Variants in LTO1 observed in about 807,000 individuals in gnomAD.
LTO1 encodes protein LTO1 homolog.
In LTO1, 18 loss-of-function variants were observed where a neutral mutation model predicts 19.8. The observed-to-expected ratio is 0.91, with a 90% CI of 0.63 to 1.35. LTO1 has a LOEUF of 1.35. LTO1 is among the 40% of genes most tolerant of loss of function. LTO1 has a pLI of 0.00. For synonymous variants in LTO1, 59 were observed against 59.6 expected (o/e 0.99, Z 0.05); for missense variants, 175 against 167.9 (o/e 1.04, Z -0.23).
At position 69,667,176 on chromosome 11, in the gene LTO1, T is replaced by C; in HGVS notation, c.*343A>G. 1 of 266,946 alleles carries C rather than the reference T, an allele frequency of 3.7e-6. No individual in the cohort carries two copies. The highest frequency in any genetic ancestry group is 5.2e-5 in the Admixed American group (1 of 19,324). The allele number at this position is 266,946 out of a possible 1,614,324, so 16.5% of individuals were successfully genotyped here. A position where few individuals can be genotyped will look rare whatever the true frequency, so the allele number is the denominator to read the frequency against. ...AAATAATAATAATAATAAAAATAAC[T>C]GCCTTCAGTCCAGGCCTGGTGACTG... On this transcript the variant is annotated 3_prime_UTR_variant, in exon 5 of 5. Transcript: ENST00000279147.
rs991762137 is a variant in LTO1, at chr11:69,675,024, A to G, written c.50+166T>C. 5 of 704,056 alleles carry G rather than the reference A, an allele frequency of 7.1e-6. No homozygotes were observed. The Admixed American group carries it at 1.1e-4, about 15-fold the overall frequency. The allele number at this position is 704,056 out of a possible 1,614,324, so 43.6% of individuals were successfully genotyped here. On this transcript the variant is annotated intron_variant, in intron 1 of 4. Coordinates refer to ENST00000279147, the MANE Select transcript of LTO1 (RefSeq NM_153451.3). The stretch of plus-strand genomic sequence containing the variant: ...GAGCGGGCCAGGAGAAGAGGACCAG[A>G]GCATCAGGCCCACACTTGTCCCTGC...
intron 3 of LTO1, among the ~76,000 whole-genome samples, chr11:69,671,061 C>T (rs1051483544): frequency 1.3e-5 from 2 of 151,972 alleles, no homozygotes; most frequent in Admixed American, 6.6e-5. Flanking sequence ...GCACCACGCC[C>T]GGCTAATTTT....
At chr11:69,674,640 G>A in intron 1 of LTO1, 1 of 397,386 alleles carries the variant, frequency 2.5e-6, no homozygotes, top group Non-Finnish European at 5.0e-6. Flanking sequence ...GCGCCTGACT[G>A]CTAAATGTTC....
At chr11:69,667,611 T>A in intron 4 of LTO1, 24 bp from the exon 5 acceptor site, 1 of 1,521,758 alleles carries the variant, frequency 6.6e-7, no homozygotes, top group Non-Finnish European at 9.1e-7. Flanking sequence ...AGAGATGGTA[T>A]TTTTAATCTT....
intron 2 of LTO1, 180 bp downstream of exon 2, chr11:69,673,036 A>C: frequency 1.5e-6 from 1 of 661,862 alleles, no homozygotes; most frequent in Non-Finnish European, 2.8e-6. Flanking sequence ...TCCTGACCTC[A>C]AGGCGATCCA....
At chr11:69,673,156 G>A (rs1370749293) in intron 2 of LTO1, 60 bp downstream of exon 2, 9 of 979,204 alleles carry the variant, frequency 9.2e-6, no homozygotes, top group African/African-American at 4.8e-5. Context: ...ACTGAATATC[G>A]AAATAAATTA....
At chr11:69,668,259 C>T (rs941628691) in intron 3 of LTO1, 12 of 414,224 alleles carry the variant, frequency 2.9e-5, no homozygotes, top group African/African-American at 4.0e-5. Flanking sequence ...ATTCCGACCA[C>T]GGGGCCAAGG....
rs1471886398 is a variant in LTO1, at chr11:69,665,826, A to T, written c.*1693T>A. ...TGCACAGCCACACACGCAGGTTTAG[A>T]GTTCGGGAGGAGGAGACCTAAGTCC... On this transcript the variant is annotated 3_prime_UTR_variant, in exon 5 of 5. Coordinates refer to ENST00000279147, the MANE Select transcript of LTO1 (RefSeq NM_153451.3). 6.6e-6 allele frequency: 1 copy of T among 152,162 alleles called. No individual in the cohort carries two copies. Among genetic ancestry groups the T allele is most frequent in the African/African-American group, 2.4e-5 (1 of 41,426 alleles). 9.4% of individuals were successfully genotyped at this position (152,162 alleles called of 1,614,324 possible).
chr11:69,674,842 G>A (rs1346614599), intron 1 of LTO1: 4 of 555,490 alleles, frequency 7.2e-6, no homozygotes, highest in East Asian at 4.4e-5. Context: ...TATGATTAAG[G>A]AACCAGAAAA....
At position 69,671,736 on chromosome 11, in the gene LTO1, T is replaced by C. The variant is rs987271056; in HGVS notation, c.227+13A>G. 5 of 1,512,286 alleles carry C rather than the reference T, an allele frequency of 3.3e-6. No homozygotes were observed. The highest frequency in any genetic ancestry group is 1.7e-5 in the Admixed American group (1 of 59,900). The allele number at this position is 1,512,286 out of a possible 1,614,324, so 93.7% of individuals were successfully genotyped here. ...GTTCCTACGCTGAGAAAGAAAGACA[T>C]CTCCACCTTTACCTGTCCTTCTCAG... On this transcript the variant is annotated intron_variant, in intron 3 of 4. Transcript: ENST00000279147.
At chr11:69,669,751 C>T (rs747039033) in intron 3 of LTO1, among the ~76,000 whole-genome samples, 1 of 152,188 alleles carries the variant, frequency 6.6e-6, no homozygotes, top group Non-Finnish European at 1.5e-5. Context: ...CCCCGGTGCG[C>T]GCTGGTCTGC....
chr11:69,670,053 C>T (rs1565079116), intron 3 of LTO1, among the ~76,000 whole-genome samples: 1 of 152,182 alleles, frequency 6.6e-6, no homozygotes, highest in Admixed American at 6.5e-5. Flanking sequence ...ATCTAAACAT[C>T]CATGAACCAC....
chr11:69,666,390 G>C lies in LTO1; in HGVS notation c.*1129C>G, dbSNP rs911797692. ...AACAGGAGGGGTGTGGAGAGCCAGC[G>C]TGTGGGGACTTCGGTGACCCTGGGG... On this transcript the variant is annotated 3_prime_UTR_variant, in exon 5 of 5. Coordinates refer to ENST00000279147, the MANE Select transcript of LTO1 (RefSeq NM_153451.3). 2.0e-5 allele frequency: 3 copies of C among 152,446 alleles called. No individual in the cohort carries two copies. The highest frequency in any genetic ancestry group is 2.0e-4 in the Admixed American group (3 of 15,288). 9.4% of individuals were successfully genotyped at this position (152,446 alleles called of 1,614,324 possible). A position where few individuals can be genotyped will look rare whatever the true frequency, so the allele number is the denominator to read the frequency against.
chr11:69,670,831 T>A (rs2119844558), intron 3 of LTO1, among the ~76,000 whole-genome samples: 1 of 152,256 alleles, frequency 6.6e-6, no homozygotes, highest in East Asian at 1.9e-4. Context: ...ATTTCCAGCT[T>A]CAGAATGAAG....
chr11:69,671,933 A>G, intron 2 of LTO1, 114 bp from the exon 3 acceptor site: 1 of 717,370 alleles, frequency 1.4e-6, no homozygotes. Context: ...TTCTCACACT[A>G]TTGTTCTGGA....
intron 2 of LTO1, chr11:69,672,609 G>C (rs1269659555): frequency 1.3e-5 from 2 of 158,922 alleles, no homozygotes; most frequent in Admixed American, 1.2e-4. Context: ...CCCATTCTTT[G>C]GCTTAGTACA....
intron 1 of LTO1, among the ~76,000 whole-genome samples, chr11:69,673,651 G>A (rs570539492): frequency 1.1e-4 from 16 of 150,294 alleles, no homozygotes; most frequent in South Asian, 8.5e-4. Flanking sequence ...GATTCAGTAC[G>A]TCTGGAGCAA....
At position 69,672,624 on chromosome 11, in the gene LTO1, C is replaced by T. The variant is rs192365874; in HGVS notation, c.156+592G>A. On this transcript the variant is annotated intron_variant, in intron 2 of 4. Transcript: ENST00000279147. ...CCCATTCTTTGGCTTAGTACATGAGCCAGCACCATGACACTCCCAAGTAAA... is the reference window on the plus strand; with the variant it reads ...CCCATTCTTTGGCTTAGTACATGAGTCAGCACCATGACACTCCCAAGTAAA... 8 of 171,106 alleles carry T rather than the reference C, an allele frequency of 4.7e-5. No individual in the cohort carries two copies. In the East Asian group the frequency reaches 1.2e-3, roughly 26 times the overall value. The allele number at this position is 171,106 out of a possible 1,614,324, so 10.6% of individuals were successfully genotyped here.
chr11:69,667,201 G>A lies in LTO1; in HGVS notation c.*318C>T, dbSNP rs1789165. 0.59 allele frequency: 211,113 copies of A among 358,614 alleles called. 66,583 individuals carry two copies. Among genetic ancestry groups the A allele is most frequent in the East Asian group, 0.88 (17,926 of 20,468 alleles). 22.2% of individuals were successfully genotyped at this position (358,614 alleles called of 1,614,324 possible). A position where few individuals can be genotyped will look rare whatever the true frequency, so the allele number is the denominator to read the frequency against. On this transcript the variant is annotated 3_prime_UTR_variant, in exon 5 of 5. Transcript: ENST00000279147. The stretch of plus-strand genomic sequence containing the variant: ...TGCCTTCAGTCCAGGCCTGGTGACT[G>A]ACCCTATCCAGAGCCAACTCCAACC...
Sources: allele counts gnomAD v4.1 joint callset (sites outside exome capture counted in the v4.1 genomes callset), GRCh38; gene constraint gnomAD v4.1.1; transcripts MANE v1.5; gene names NCBI Gene and HGNC (gene_info 2026-07-23, HGNC 2026-07-21).